The following PBLD variants were observed in gnomAD, a reference collection of about 807,000 sequenced individuals.
PBLD encodes phenazine biosynthesis-like domain-containing protein.
In PBLD, 26 loss-of-function variants were observed where a neutral mutation model predicts 31.3. The observed-to-expected ratio is 0.83, with a 90% CI of 0.61 to 1.15. The LOEUF (loss-of-function observed/expected upper bound fraction) is 1.15. PBLD is among the 50% of genes most tolerant of loss of function. The pLI, the probability that PBLD is intolerant of heterozygous loss-of-function variation, is 0.00. For missense variants in PBLD, 307 were observed against 351.7 expected, an observed-to-expected ratio of 0.87 and a Z score of 1.02; for synonymous variants, 114 against 129.0, an observed-to-expected ratio of 0.88 and a Z score of 0.79.
chr10:68,298,484 T>C (rs536585084), intron 2 of PBLD, among the ~76,000 whole-genome samples: 1 of 152,244 alleles, frequency 6.6e-6, no homozygotes, highest in Admixed American at 6.5e-5. Context: ...TTTTACACAG[T>C]AACAACTGGT....
chr10:68,323,350 T>C (rs371999737), intron 1 of PBLD, among the ~76,000 whole-genome samples: 1 of 152,054 alleles, frequency 6.6e-6, no homozygotes, highest in Non-Finnish European at 1.5e-5. Context: ...TCACATGAAG[T>C]CAGGGGTTCA....
chr10:68,285,180 C>A (rs2305083), intron 9 of PBLD, 168 bp downstream of exon 9: 311,079 of 1,460,086 alleles, frequency 0.21, 35,571 homozygotes, highest in Admixed American at 0.37. Flanking sequence ...GAGGTGAAGG[C>A]TGTTTGGGGT....
At chr10:68,291,917 TA>T in intron 6 of PBLD, 92 bp downstream of exon 6, 1 of 1,320,190 alleles carries the variant, frequency 7.6e-7, no homozygotes, top group Non-Finnish European at 1.1e-6. Flanking sequence ...TTTATATTGG[TA>T]AAATGCCTAT....
chr10:68,327,865 A>G (rs2044948808), intron 1 of PBLD, among the ~76,000 whole-genome samples: 1 of 152,158 alleles, frequency 6.6e-6, no homozygotes, highest in Non-Finnish European at 1.5e-5. Context: ...CTGGAACAAA[A>G]AGAATGTTCA....
intron 1 of PBLD, among the ~76,000 whole-genome samples, chr10:68,330,881 G>A (rs745773809): frequency 6.6e-6 from 1 of 152,088 alleles, no homozygotes; most frequent in Non-Finnish European, 1.5e-5. Flanking sequence ...TGAGACAAGA[G>A]TCTCCCTCGG....
intron 1 of PBLD, among the ~76,000 whole-genome samples, chr10:68,318,523 T>TA (rs1589670563): frequency 6.7e-6 from 1 of 148,408 alleles, no homozygotes; most frequent in African/African-American, 2.5e-5. Flanking sequence ...CCTGTCTCTT[T>TA]TAAAAAAAAA....
intron 1 of PBLD, among the ~76,000 whole-genome samples, chr10:68,326,644 A>G (rs1260723663): frequency 6.6e-6 from 1 of 152,218 alleles, no homozygotes; most frequent in African/African-American, 2.4e-5. Flanking sequence ...TTCATTAACA[A>G]TGCTAGGACA....
intron 1 of PBLD, among the ~76,000 whole-genome samples, chr10:68,328,875 G>T (rs1389334915): frequency 6.6e-6 from 1 of 150,708 alleles, no homozygotes; most frequent in Non-Finnish European, 1.5e-5. Flanking sequence ...TAGCGGTTTT[G>T]TTTGTTTGTT....
intron 6 of PBLD, among the ~76,000 whole-genome samples, chr10:68,289,515 G>A (rs1384763236): frequency 6.6e-6 from 1 of 152,024 alleles, no homozygotes; most frequent in African/African-American, 2.4e-5. Context: ...CTGCACTCCA[G>A]CCTGAGAGAC....
intron 1 of PBLD, among the ~76,000 whole-genome samples, chr10:68,314,945 A>G (rs1040088499): frequency 6.6e-6 from 1 of 151,996 alleles, no homozygotes; most frequent in Admixed American, 6.6e-5. Flanking sequence ...ACCCACCACC[A>G]TGCCCAGCTA....
intron 1 of PBLD, among the ~76,000 whole-genome samples, chr10:68,311,751 C>CAAAAAAAA (rs987918906): frequency 1.7e-5 from 1 of 59,876 alleles, no homozygotes; most frequent in Non-Finnish European, 3.3e-5. Flanking sequence ...GACCCTGCCT[C>CAAAAAAAA]AAAAAAAAAA....
Position 68,325,577 on chromosome 10 carries a change from A to G in PBLD, c.-60+7207T>C, listed in dbSNP as rs77858965. 6.5e-3 allele frequency among the ~76,000 whole-genome samples: 992 copies of G among 152,252 alleles called. 12 individuals carry two copies. The highest frequency in any genetic ancestry group is 0.023 in the African/African-American group (941 of 41,546). ...GAGACTGCATCTCAAAAACAATACA[A>G]AAAAACCCAAAAAGCACTACATTGA... On this transcript the variant is annotated intron_variant, in intron 1 of 9. Coordinates refer to ENST00000358769, the MANE Select transcript of PBLD (RefSeq NM_022129.4).
At position 68,306,722 on chromosome 10, in the gene PBLD, T is replaced by C. The variant is rs1010638277; in HGVS notation, c.84+39A>G. 9 of 1,549,526 alleles carry C rather than the reference T, an allele frequency of 5.8e-6. No individual in the cohort carries two copies. The Admixed American group carries it at 8.5e-5, about 15-fold the overall frequency. On this transcript the variant is annotated intron_variant, in intron 2 of 9. Coordinates refer to ENST00000358769, the MANE Select transcript of PBLD (RefSeq NM_022129.4). The stretch of plus-strand genomic sequence containing the variant: ...ATAAGTAATTGTTTCTACAGGAATC[T>C]AGAATTTCAGGTACTGTAATTCAAA...
intron 1 of PBLD, among the ~76,000 whole-genome samples, chr10:68,319,091 GAA>G: frequency 8.0e-6 from 1 of 125,330 alleles, no homozygotes; most frequent in African/African-American, 3.3e-5. Flanking sequence ...AAGAAAGAAA[GAA>G]AGAAAGAAAG....
intron 1 of PBLD, among the ~76,000 whole-genome samples, chr10:68,324,465 G>A (rs2044883822): frequency 6.6e-6 from 1 of 151,434 alleles, no homozygotes; most frequent in Non-Finnish European, 1.5e-5. Context: ...GTGAGCCACT[G>A]TGCCCAGCCA....
intron 6 of PBLD, among the ~76,000 whole-genome samples, chr10:68,290,798 A>G (rs928761732): frequency 5.3e-5 from 8 of 152,104 alleles, no homozygotes; most frequent in African/African-American, 1.7e-4. Flanking sequence ...AATACTTACA[A>G]CCCTTTGTTA....
chr10:68,315,615 A>C (rs1341058725), intron 1 of PBLD, among the ~76,000 whole-genome samples: 1 of 151,894 alleles, frequency 6.6e-6, no homozygotes, highest in Non-Finnish European at 1.5e-5. Flanking sequence ...GCTCTGACAT[A>C]GTCTTGAGAA....
chr10:68,316,800 C>T (rs1372630724), intron 1 of PBLD, among the ~76,000 whole-genome samples: 1 of 152,010 alleles, frequency 6.6e-6, no homozygotes, highest in Non-Finnish European at 1.5e-5. Context: ...ATTGCCTGAG[C>T]TCAGGAGTTC....
intron 4 of PBLD, among the ~76,000 whole-genome samples, chr10:68,295,615 G>A (rs552679654): frequency 1.3e-5 from 2 of 152,024 alleles, no homozygotes; most frequent in Non-Finnish European, 2.9e-5. Flanking sequence ...CGTATGAGAT[G>A]ACAATTCTGC....
Sources: gnomAD v4.1 joint callset for allele counts (sites outside exome capture counted in the v4.1 genomes callset) on GRCh38, gnomAD v4.1.1 for gene constraint, MANE v1.5 for transcripts, NCBI Gene and HGNC (gene_info 2026-07-23, HGNC 2026-07-21) for gene names.